The following SMAP1 variants were observed in gnomAD, a reference collection of about 807,000 sequenced individuals.
SMAP1 encodes the protein stromal membrane-associated protein 1.
A neutral mutation model predicts 58.5 loss-of-function variants in SMAP1; 24 were observed. That is an observed-to-expected ratio of 0.41 (90% CI 0.30 to 0.58). The LOEUF (loss-of-function observed/expected upper bound fraction) is 0.58, where lower values mean the gene tolerates loss of function less well. Among genes scored for constraint, SMAP1 ranks in the 20% least tolerant of loss-of-function variants. The pLI, the probability that SMAP1 is intolerant of heterozygous loss-of-function variation, is 0.29. For synonymous variants in SMAP1, 216 were observed against 196.6 expected (o/e 1.10, Z -0.82); for missense variants, 563 against 566.3 (o/e 0.99, Z 0.06).
chr6:70,740,004 A>C (rs182828002), intron 2 of SMAP1, among the ~76,000 whole-genome samples: 6 of 151,974 alleles, frequency 3.9e-5, no homozygotes, highest in Admixed American at 3.9e-4. Flanking sequence ...CATCACATAC[A>C]TGTCTTTTAG....
At chr6:70,745,643 T>C (rs867824167) in intron 2 of SMAP1, among the ~76,000 whole-genome samples, 96 of 152,288 alleles carry the variant, frequency 6.3e-4, no homozygotes, top group Non-Finnish European at 1.0e-3. Context: ...CTTAGGATTG[T>C]CTTGGCAATG....
chr6:70,718,433 T>C (rs1488843089), intron 1 of SMAP1, among the ~76,000 whole-genome samples: 1 of 152,022 alleles, frequency 6.6e-6, no homozygotes, highest in African/African-American at 2.4e-5. Flanking sequence ...GAAAAAGCAA[T>C]GTTGGAGGGA....
Position 70,861,743 on chromosome 6 carries a change from C to A in SMAP1, c.*1409C>A, listed in dbSNP as rs201452528. 3 of 1,614,048 alleles carry A rather than the reference C, an allele frequency of 1.9e-6. No individual in the cohort carries two copies. Among genetic ancestry groups the A allele is most frequent in the Non-Finnish European group, 2.5e-6 (3 of 1,179,984 alleles). On this transcript the variant is annotated 3_prime_UTR_variant, in exon 11 of 11. Transcript: ENST00000370455. ...ACCTTCTCTGTCCGAGTGTGCCACA[C>A]GAGAACCTGAAGGGGAAGGAAATAG...
chr6:70,687,059 A>T (rs551050007), intron 1 of SMAP1, among the ~76,000 whole-genome samples: 321 of 152,310 alleles, frequency 2.1e-3, no homozygotes, highest in African/African-American at 7.4e-3. Context: ...ACTAGCCATA[A>T]GGCTATTTAA....
intron 6 of SMAP1, among the ~76,000 whole-genome samples, chr6:70,820,948 A>G (rs764647235): frequency 6.6e-6 from 1 of 152,170 alleles, no homozygotes. Context: ...ACAGTGGTTC[A>G]AGGGAATAAT....
At chr6:70,707,160 A>G (rs575043269) in intron 1 of SMAP1, among the ~76,000 whole-genome samples, 1 of 152,198 alleles carries the variant, frequency 6.6e-6, no homozygotes. Context: ...ATTTGGATTC[A>G]TGAGATTTTG....
chr6:70,818,144 C>G (rs78934732), intron 6 of SMAP1, among the ~76,000 whole-genome samples: 1 of 151,346 alleles, frequency 6.6e-6, no homozygotes, highest in Non-Finnish European at 1.5e-5. Flanking sequence ...TAATGAAAAC[C>G]TAACTTTGGG....
At chr6:70,807,410 T>C (rs1769181466) in intron 6 of SMAP1, among the ~76,000 whole-genome samples, 2 of 152,238 alleles carry the variant, frequency 1.3e-5, no homozygotes, top group Admixed American at 1.3e-4. Flanking sequence ...GCTTAAGATA[T>C]ACCAGTAGAA....
At chr6:70,778,919 TC>T (rs1365403322) in intron 4 of SMAP1, among the ~76,000 whole-genome samples, 1 of 152,198 alleles carries the variant, frequency 6.6e-6, no homozygotes, top group Non-Finnish European at 1.5e-5. Flanking sequence ...CATTCCTCAG[TC>T]CTGTCCACTG....
At chr6:70,825,317 A>T (rs1485696690) in intron 6 of SMAP1, among the ~76,000 whole-genome samples, 1 of 152,190 alleles carries the variant, frequency 6.6e-6, no homozygotes, top group Non-Finnish European at 1.5e-5. Context: ...TGACTTGTTC[A>T]CAGTCACCCA....
rs186411690 is a variant in SMAP1, at chr6:70,817,434, G to A, written c.576+18697G>A. ...GTTTGTATAATCATAGTTCCTTGCA[G>A]TGATACAAAATAGAGTCTTCTTTTC... is the stretch of plus-strand genomic sequence containing the variant. On this transcript the variant is annotated intron_variant, in intron 6 of 10. Transcript: ENST00000370455. Among the ~76,000 whole-genome samples the A allele has an allele frequency of 8.5e-5, 13 of 152,206 alleles. No homozygotes were observed. In the East Asian group the frequency reaches 2.5e-3, roughly 29 times the overall value.
intron 2 of SMAP1, among the ~76,000 whole-genome samples, chr6:70,753,347 T>TA (rs1766357211): frequency 6.6e-6 from 1 of 152,324 alleles, no homozygotes; most frequent in East Asian, 1.9e-4. Flanking sequence ...CAAATTTTCT[T>TA]ACTTTTGCAC....
intron 6 of SMAP1, among the ~76,000 whole-genome samples, chr6:70,811,479 C>T (rs1236803121): frequency 2.0e-5 from 3 of 152,052 alleles, no homozygotes; most frequent in Middle Eastern, 3.2e-3. Flanking sequence ...ACGCGATCCT[C>T]GGGAGGGCAC....
intron 4 of SMAP1, among the ~76,000 whole-genome samples, chr6:70,784,582 G>A (rs867253373): frequency 1.3e-5 from 2 of 152,116 alleles, no homozygotes; most frequent in Non-Finnish European, 2.9e-5. Context: ...GACACACATA[G>A]GCTCAACATA....
At chr6:70,823,893 T>A (rs1381644875) in intron 6 of SMAP1, among the ~76,000 whole-genome samples, 18 of 151,586 alleles carry the variant, frequency 1.2e-4, no homozygotes, top group Non-Finnish European at 1.8e-4. Context: ...TTTTTTTTTT[T>A]AAATCTTCAT....
At chr6:70,772,153 A>G (rs1455455377) in intron 3 of SMAP1, among the ~76,000 whole-genome samples, 1 of 152,184 alleles carries the variant, frequency 6.6e-6, no homozygotes, top group Non-Finnish European at 1.5e-5. Context: ...GGTAGGGGAA[A>G]ATTTGGAAAG....
intron 4 of SMAP1, among the ~76,000 whole-genome samples, chr6:70,786,616 C>T (rs1768044519): frequency 6.6e-6 from 1 of 152,022 alleles, no homozygotes; most frequent in African/African-American, 2.4e-5. Context: ...TCTCAGGATA[C>T]AAAATCAGTG....
At chr6:70,773,325 T>A in intron 3 of SMAP1, 25 bp from the exon 4 acceptor site, 1 of 1,444,862 alleles carries the variant, frequency 6.9e-7, no homozygotes, top group Non-Finnish European at 9.6e-7. Flanking sequence ...GAATTCATGC[T>A]TTTCCTTAAG....
chr6:70,695,302 A>G (rs1767355321), intron 1 of SMAP1, among the ~76,000 whole-genome samples: 1 of 152,056 alleles, frequency 6.6e-6, no homozygotes, highest in Admixed American at 6.6e-5. Context: ...CTAGCTAGAC[A>G]TTGTTTGACT....
Sources: gnomAD v4.1 joint callset for allele counts (sites outside exome capture counted in the v4.1 genomes callset) on GRCh38, gnomAD v4.1.1 for gene constraint, MANE v1.5 for transcripts, NCBI Gene and HGNC (gene_info 2026-07-23, HGNC 2026-07-21) for gene names.